ZNF793: variants seen among roughly 807,000 people sequenced by gnomAD.
The protein encoded by ZNF793 is zinc finger protein 793.
ZNF793 carries 5 observed loss-of-function variants against 12.4 expected under a neutral mutation model. The observed-to-expected ratio is 0.40, with a 90% confidence interval of 0.21 to 0.84. The LOEUF (loss-of-function observed/expected upper bound fraction) is 0.84, where lower values mean the gene tolerates loss of function less well. Ranked by LOEUF, ZNF793 falls within the 40% of genes least tolerant of loss-of-function variation. The probability of loss-of-function intolerance (pLI) is 0.35; values close to 1 mark genes in which losing one functional copy is unlikely to be tolerated. For synonymous variants in ZNF793, 162 were observed against 172.4 expected (o/e 0.94, Z 0.47); for missense variants, 456 against 495.0 (o/e 0.92, Z 0.75).
chr19:37,520,088 C>G (rs76112730), intron 2 of ZNF793, 96 bp from the exon 3 acceptor site: 3,892 of 152,560 alleles, frequency 0.026, 73 homozygotes, highest in South Asian at 0.082. Context: ...TCAGCTGTCT[C>G]CTGCACAGCC....
In ZNF793 at chr19:37,538,472, G is replaced by C. The variant is rs1397020248; in HGVS notation, c.*593G>C. 6.6e-6 allele frequency: 1 copy of C among 152,170 alleles called. No homozygotes were observed. The highest frequency in any genetic ancestry group is 1.5e-5 in the Non-Finnish European group (1 of 68,166). The allele number at this position is 152,170 out of a possible 1,614,324, so 9.4% of individuals were successfully genotyped here. A position where few individuals can be genotyped will look rare whatever the true frequency, so the allele number is the denominator to read the frequency against. ...ATTTTTGTATTTTTAGTAGAGATGG[G>C]GTTTCACCATGTTGGTCAGGCTGGT... is the stretch of plus-strand genomic sequence containing the variant. On this transcript the variant is annotated 3_prime_UTR_variant, in exon 8 of 8. Transcript: ENST00000627814.
chr19:37,523,840 A>G (rs1218851077), intron 5 of ZNF793, among the ~76,000 whole-genome samples: 1 of 152,070 alleles, frequency 6.6e-6, no homozygotes, highest in Non-Finnish European at 1.5e-5. Context: ...CCTTTGGCCA[A>G]GGATAATTCT....
chr19:37,528,965 G>A (rs1281987102), intron 5 of ZNF793, among the ~76,000 whole-genome samples: 1 of 151,978 alleles, frequency 6.6e-6, no homozygotes, highest in African/African-American at 2.4e-5. Context: ...ACATGTCCAC[G>A]TGGTCCCCAG....
intron 6 of ZNF793, 134 bp from the exon 7 acceptor site, chr19:37,533,174 A>G: frequency 1.5e-6 from 1 of 662,418 alleles, no homozygotes; most frequent in Admixed American, 2.8e-5. Flanking sequence ...TACTAATCCC[A>G]TTTGGTTCTG....
At chr19:37,516,132 GTTTGT>G (rs953988483) in intron 2 of ZNF793, among the ~76,000 whole-genome samples, 6 of 152,200 alleles carry the variant, frequency 3.9e-5, no homozygotes, top group African/African-American at 1.2e-4. Context: ...CTATGAACTA[GTTTGT>G]TTTGTTTTGT....
chr19:37,536,590 A>G, intron 7 of ZNF793: 1 of 408,986 alleles, frequency 2.4e-6, no homozygotes, highest in East Asian at 3.5e-5. Context: ...GAGTTGAGTC[A>G]TTGTGACGGA....
intron 5 of ZNF793, 101 bp downstream of exon 5, chr19:37,523,555 G>C: frequency 8.5e-7 from 1 of 1,183,130 alleles, no homozygotes; most frequent in Non-Finnish European, 1.2e-6. Context: ...GTACATACAG[G>C]CTGGGTTCTC....
rs2042555296 is a variant in ZNF793 at position 37,542,043 on chromosome 19, C to T, written c.*4164C>T. ...TCAGAACAAAAGATGTTACACACTGCTGGTGGAGAAATAAATTTTGAAAAA... is the reference window on the plus strand; with the variant it reads ...TCAGAACAAAAGATGTTACACACTGTTGGTGGAGAAATAAATTTTGAAAAA... On this transcript the variant is annotated 3_prime_UTR_variant, in exon 8 of 8. Transcript: ENST00000627814. 6.5e-6 allele frequency: 1 copy of T among 153,684 alleles called. No individual in the cohort carries two copies. The highest frequency in any genetic ancestry group is 1.9e-4 in the East Asian group (1 of 5,254). The allele number at this position is 153,684 out of a possible 1,614,324, so 9.5% of individuals were successfully genotyped here. A position where few individuals can be genotyped will look rare whatever the true frequency, so the allele number is the denominator to read the frequency against.
intron 2 of ZNF793, among the ~76,000 whole-genome samples, chr19:37,509,954 G>T (rs373517758): frequency 6.6e-6 from 1 of 152,022 alleles, no homozygotes; most frequent in Non-Finnish European, 1.5e-5. Context: ...ATATTCATTG[G>T]GGGGGAGGAG....
chr19:37,529,037 G>A (rs1028487936), intron 5 of ZNF793, among the ~76,000 whole-genome samples: 3 of 152,026 alleles, frequency 2.0e-5, no homozygotes, highest in East Asian at 1.9e-4. Context: ...CAGGTGTGGC[G>A]CCATCATCAC....
intron 5 of ZNF793, among the ~76,000 whole-genome samples, 173 bp from the exon 6 acceptor site, chr19:37,532,183 T>C (rs1379447479): frequency 6.6e-6 from 1 of 151,088 alleles, no homozygotes; most frequent in Non-Finnish European, 1.5e-5. Flanking sequence ...CTGGTGAATT[T>C]TTGTATTTTT....
chr19:37,527,517 T>C (rs1244047674), intron 5 of ZNF793, among the ~76,000 whole-genome samples: 1 of 152,202 alleles, frequency 6.6e-6, no homozygotes, highest in Non-Finnish European at 1.5e-5. Flanking sequence ...AAGACACACA[T>C]ACTATTATTA....
intron 5 of ZNF793, among the ~76,000 whole-genome samples, chr19:37,525,437 C>CTTT (rs768958436): frequency 8.4e-6 from 1 of 119,656 alleles, no homozygotes; most frequent in Non-Finnish European, 1.7e-5. Context: ...CGTGCCTGGC[C>CTTT]TTTTTTTTTT....
In ZNF793 at chr19:37,537,588, C is replaced by G; in HGVS notation, c.930C>G (p.Pro310=). Residue 310 remains proline, a synonymous_variant, in exon 8 of 8, where the codon CCC becomes CCG. Coordinates refer to ENST00000627814, the MANE Select transcript of ZNF793 (RefSeq NM_001013659.3). ...AGAGAACACACACAGGAGAGAGACC[C>G]TTTGTCTGCAGTGAATGCGGGAAAT... is the stretch of plus-strand genomic sequence containing the variant. ...EHQRTHTGER[P]FVCSECGKSF... 1.2e-6 allele frequency: 2 copies of G among 1,614,162 alleles called. No homozygotes were observed. Among genetic ancestry groups the G allele is most frequent in the African/African-American group, 2.7e-5 (2 of 75,056 alleles).
chr19:37,531,158 CTTTTTTTTGTTTGT>C (rs969613045), intron 5 of ZNF793, among the ~76,000 whole-genome samples: 44 of 144,380 alleles, frequency 3.0e-4, no homozygotes, highest in Admixed American at 3.5e-4. Context: ...TCCATCATTT[CTTTTTTTTGTTTGT>C]TTTTTTTTGT....
At chr19:37,524,261 A>T (rs1288054630) in intron 5 of ZNF793, among the ~76,000 whole-genome samples, 1 of 151,860 alleles carries the variant, frequency 6.6e-6, no homozygotes, top group Non-Finnish European at 1.5e-5. Flanking sequence ...GATACTTAAC[A>T]CATACTGCTG....
chr19:37,533,806 G>C (rs2042481703), intron 7 of ZNF793: 3 of 362,174 alleles, frequency 8.3e-6, no homozygotes, highest in Non-Finnish European at 1.5e-5. Context: ...TGGGATCAGA[G>C]AAGAGGAAGC....
intron 5 of ZNF793, among the ~76,000 whole-genome samples, chr19:37,523,814 T>C (rs2042392635): frequency 6.6e-6 from 1 of 152,164 alleles, no homozygotes; most frequent in South Asian, 2.1e-4. Flanking sequence ...GTAGATATCC[T>C]TGGATGGTGC....
Position 37,533,334 on chromosome 19 carries a change from A to G in ZNF793, c.169A>G (p.Ile57Val), listed in dbSNP as rs1350026688. 1 of 1,613,874 alleles carries G rather than the reference A, an allele frequency of 6.2e-7. No individual in the cohort carries two copies. The highest frequency in any genetic ancestry group is 8.5e-7 in the Non-Finnish European group (1 of 1,179,894). Reference protein sequence around the residue: ...VGYEGTKPDVILRLEQEEAPW... With the variant: ...VGYEGTKPDVVLRLEQEEAPW... ...TTATGAAGGCACCAAACCAGATGTG[A>G]TCCTCAGACTGGAGCAGGAAGAAGC... The change falls in exon 7 of 8, where the codon ATC (isoleucine) becomes GTC (valine). Residue 57 changes from isoleucine to valine, a missense_variant. Transcript: ENST00000627814.
Sources: allele counts gnomAD v4.1 joint callset (sites outside exome capture counted in the v4.1 genomes callset), GRCh38; gene constraint gnomAD v4.1.1; transcripts MANE v1.5; gene names NCBI Gene and HGNC (gene_info 2026-07-23, HGNC 2026-07-21).